RBMS3: variants seen among roughly 807,000 people sequenced by gnomAD.
RBMS3 encodes RNA binding motif single stranded interacting protein 3, also known as RNA-binding motif, single-stranded-interacting protein 3.
In RBMS3, 27 loss-of-function variants were observed where a neutral mutation model predicts 66.8. The ratio of observed to expected loss-of-function variants is 0.40; its 90% confidence interval spans 0.30 to 0.56. The LOEUF is 0.56. Among genes scored for constraint, RBMS3 ranks in the 20% least tolerant of loss-of-function variants. RBMS3 has a pLI of 0.40. For missense variants in RBMS3, 513 were observed against 549.5 expected, an observed-to-expected ratio of 0.93 and a Z score of 0.66; for synonymous variants, 188 against 183.0, an observed-to-expected ratio of 1.03 and a Z score of -0.22.
intron 3 of RBMS3, among the ~76,000 whole-genome samples, chr3:29,585,012 T>A (rs1261738323): frequency 6.6e-6 from 1 of 152,192 alleles, no homozygotes; most frequent in Non-Finnish European, 1.5e-5. Context: ...TCTGCAATTT[T>A]GTAATTATAT....
At chr3:29,994,842 T>C (rs1322021002) in intron 14 of RBMS3, among the ~76,000 whole-genome samples, 1 of 152,092 alleles carries the variant, frequency 6.6e-6, no homozygotes, top group Non-Finnish European at 1.5e-5. Flanking sequence ...ACAGGAAAAC[T>C]GGAAACTCTA....
chr3:29,738,054 T>G (rs1453393644), intron 4 of RBMS3, among the ~76,000 whole-genome samples: 1 of 152,164 alleles, frequency 6.6e-6, no homozygotes, highest in African/African-American at 2.4e-5. Flanking sequence ...ATGAAACTAA[T>G]AATACATCAT....
chr3:29,346,025 G>T (rs940223355), intron 1 of RBMS3, among the ~76,000 whole-genome samples: 1 of 152,198 alleles, frequency 6.6e-6, no homozygotes, highest in African/African-American at 2.4e-5. Context: ...TTTCCTGTGA[G>T]TCTTTAGGTC....
intron 6 of RBMS3, among the ~76,000 whole-genome samples, chr3:29,791,065 T>C (rs2056993099): frequency 6.6e-6 from 1 of 152,226 alleles, no homozygotes; most frequent in Non-Finnish European, 1.5e-5. Context: ...CCTATTCCTC[T>C]ATACCAGTAT....
intron 4 of RBMS3, among the ~76,000 whole-genome samples, chr3:29,734,986 C>T (rs1411022951): frequency 1.3e-5 from 2 of 152,042 alleles, no homozygotes; most frequent in African/African-American, 2.4e-5. Context: ...GTAGCTACTT[C>T]CAGAGCATTT....
rs1464754823 is a variant in RBMS3 at position 29,398,778 on chromosome 3, AAAACT to A, written c.76-35961_76-35957del. Among the ~76,000 whole-genome samples the A allele has an allele frequency of 2.6e-5, 4 of 152,306 alleles. No individual in the cohort carries two copies. The East Asian group carries it at 7.7e-4, about 29-fold the overall frequency. On this transcript the variant is annotated intron_variant, in intron 1 of 14. Transcript: ENST00000383767. ...CAAAAAATGTTTACATGCCATGAAT[AAAACT>A]AAAAGTGCGAACCTCAACCAGTCTA...
At chr3:29,659,112 C>T (rs890534419) in intron 4 of RBMS3, among the ~76,000 whole-genome samples, 1 of 152,194 alleles carries the variant, frequency 6.6e-6, no homozygotes, top group African/African-American at 2.4e-5. Flanking sequence ...CCACAGCGCC[C>T]AGCCTTTATT....
chr3:29,855,753 A>G (rs1477770443), intron 6 of RBMS3, among the ~76,000 whole-genome samples: 1 of 152,216 alleles, frequency 6.6e-6, no homozygotes, highest in African/African-American at 2.4e-5. Flanking sequence ...TATTCAGCTG[A>G]GAGGGTGCTT....
chr3:29,657,523 G>A (rs1179162774), intron 4 of RBMS3, among the ~76,000 whole-genome samples: 1 of 152,184 alleles, frequency 6.6e-6, no homozygotes, highest in Non-Finnish European at 1.5e-5. Flanking sequence ...GCCTGTGACT[G>A]TCTGTGATTT....
chr3:29,438,986 A>G (rs1181156224), intron 2 of RBMS3, among the ~76,000 whole-genome samples: 1 of 152,234 alleles, frequency 6.6e-6, no homozygotes, highest in Non-Finnish European at 1.5e-5. Context: ...GGAAGTGACA[A>G]TTGAGCTAAG....
At chr3:29,369,823 G>T (rs2038103871) in intron 1 of RBMS3, among the ~76,000 whole-genome samples, 1 of 151,900 alleles carries the variant, frequency 6.6e-6, no homozygotes, top group Non-Finnish European at 1.5e-5. Context: ...GACTTTTAAA[G>T]GCAGCCATTT....
At chr3:29,775,245 TA>T (rs2056383946) in intron 6 of RBMS3, among the ~76,000 whole-genome samples, 3 of 134,416 alleles carry the variant, frequency 2.2e-5, no homozygotes, top group South Asian at 2.4e-4. Flanking sequence ...AGTTTTTTTT[TA>T]TTTTTTTATT....
intron 4 of RBMS3, among the ~76,000 whole-genome samples, chr3:29,695,496 A>G (rs1265506868): frequency 6.6e-6 from 1 of 152,094 alleles, no homozygotes; most frequent in Non-Finnish European, 1.5e-5. Flanking sequence ...ACTTTTAATT[A>G]TTATTTTCAC....
At position 29,935,972 on chromosome 3, in the gene RBMS3, G is replaced by C. The variant is rs549808713; in HGVS notation, c.940-114G>C. 1.2e-5 allele frequency: 10 copies of C among 864,024 alleles called. No individual in the cohort carries two copies. In the East Asian group the frequency reaches 2.4e-4, roughly 21 times the overall value. The allele number at this position is 864,024 out of a possible 1,614,324, so 53.5% of individuals were successfully genotyped here. A position where few individuals can be genotyped will look rare whatever the true frequency, so the allele number is the denominator to read the frequency against. Reference sequence around the variant, plus strand: ...TATACAGTTGAATTTAGCCTTTTTAGTAAAAAAGTAAAAACATTTGATGTT... The same window carrying C: ...TATACAGTTGAATTTAGCCTTTTTACTAAAAAAGTAAAAACATTTGATGTT... On this transcript the variant is annotated intron_variant, in intron 10 of 14. Coordinates refer to ENST00000383767, the MANE Select transcript of RBMS3 (RefSeq NM_001003793.3).
At chr3:29,985,578 A>T (rs969748597) in intron 12 of RBMS3, among the ~76,000 whole-genome samples, 2 of 152,104 alleles carry the variant, frequency 1.3e-5, no homozygotes, top group African/African-American at 4.8e-5. Context: ...ACAGTCCCTC[A>T]CGGCTTCCCT....
intron 3 of RBMS3, among the ~76,000 whole-genome samples, chr3:29,518,992 G>A (rs1173165233): frequency 1.3e-5 from 2 of 152,306 alleles, no homozygotes; most frequent in East Asian, 1.9e-4. Context: ...TTGAAGGAAA[G>A]TAGAATACGC....
intron 1 of RBMS3, among the ~76,000 whole-genome samples, chr3:29,392,949 C>G (rs2039374005): frequency 6.6e-6 from 1 of 151,828 alleles, no homozygotes; most frequent in African/African-American, 2.4e-5. Flanking sequence ...CTCCCTGTTA[C>G]AATTTTTCAC....
At chr3:29,747,390 G>GTAGATAGATAGA (rs56736478) in intron 5 of RBMS3, among the ~76,000 whole-genome samples, 79 of 141,272 alleles carry the variant, frequency 5.6e-4, no homozygotes, top group Admixed American at 1.8e-3. Flanking sequence ...AGGTAGGTAG[G>GTAGATAGATAGA]TAGATAGATA....
intron 10 of RBMS3, among the ~76,000 whole-genome samples, chr3:29,929,508 C>T (rs748874402): frequency 7.9e-5 from 12 of 151,878 alleles, no homozygotes; most frequent in East Asian, 3.9e-4. Flanking sequence ...GTTGAATAGG[C>T]GTAGTACATA....
Sources: gnomAD v4.1 joint callset for allele counts (sites outside exome capture counted in the v4.1 genomes callset) on GRCh38, gnomAD v4.1.1 for gene constraint, MANE v1.5 for transcripts, NCBI Gene and HGNC (gene_info 2026-07-23, HGNC 2026-07-21) for gene names.